CHCHD3: variants seen among roughly 807,000 people sequenced by gnomAD.
CHCHD3 encodes MICOS complex subunit MIC19.
A neutral mutation model predicts 38.2 loss-of-function variants in CHCHD3; 20 were observed. That is an observed-to-expected ratio of 0.52 (90% CI 0.37 to 0.76). The LOEUF (loss-of-function observed/expected upper bound fraction) is 0.76, where lower values mean the gene tolerates loss of function less well. CHCHD3 is among the 30% of genes least tolerant of loss of function. The pLI is 0.00. For missense variants in CHCHD3, 245 were observed against 279.2 expected (o/e 0.88, Z 0.87); for synonymous variants, 82 against 100.0 (o/e 0.82, Z 1.07).
intron 6 of CHCHD3, among the ~76,000 whole-genome samples, chr7:132,822,716 A>G (rs1807412833): frequency 6.6e-6 from 1 of 152,142 alleles, no homozygotes; most frequent in Non-Finnish European, 1.5e-5. Context: ...TTCAAACCCC[A>G]TCCATGTTAC....
chr7:132,811,222 C>G (rs1807061569), intron 6 of CHCHD3, among the ~76,000 whole-genome samples: 1 of 152,170 alleles, frequency 6.6e-6, no homozygotes. Context: ...CAATTCTTAC[C>G]TTCCCCCACC....
chr7:133,063,560 G>A (rs1451855554), intron 2 of CHCHD3, among the ~76,000 whole-genome samples: 1 of 152,040 alleles, frequency 6.6e-6, no homozygotes, highest in Non-Finnish European at 1.5e-5. Flanking sequence ...AAATGCTTAT[G>A]GGGCTGCTTC....
Position 132,848,087 on chromosome 7 carries a change from C to T in CHCHD3, c.454-9618G>A, listed in dbSNP as rs949793637. Among the ~76,000 whole-genome samples, 9 of 152,154 alleles carry T rather than the reference C, an allele frequency of 5.9e-5. No individual in the cohort carries two copies. In the East Asian group the frequency reaches 1.7e-3, roughly 29 times the overall value. On this transcript the variant is annotated intron_variant, in intron 5 of 7. Transcript: ENST00000262570. Reference sequence around the variant, plus strand: ...GGTCCTGTACCTTCAAGGTACAATACCACACTGGCTGAAGGTGAGACTGTC... The same window carrying T: ...GGTCCTGTACCTTCAAGGTACAATATCACACTGGCTGAAGGTGAGACTGTC...
chr7:132,861,290 G>A (rs1165383347), intron 5 of CHCHD3, among the ~76,000 whole-genome samples: 1 of 152,184 alleles, frequency 6.6e-6, no homozygotes, highest in East Asian at 1.9e-4. Context: ...GCTATTCTTT[G>A]GAGTGTGAGT....
At chr7:133,039,101 G>A (rs1562945629) in intron 2 of CHCHD3, among the ~76,000 whole-genome samples, 1 of 152,162 alleles carries the variant, frequency 6.6e-6, no homozygotes, top group African/African-American at 2.4e-5. Context: ...TCTAGTGAAA[G>A]CTGTTATTCA....
At chr7:132,895,336 T>C (rs1023583231) in intron 4 of CHCHD3, among the ~76,000 whole-genome samples, 1 of 152,232 alleles carries the variant, frequency 6.6e-6, no homozygotes, top group Non-Finnish European at 1.5e-5. Context: ...AGATCTTACA[T>C]ACTGTAGAAT....
At chr7:132,818,655 T>C (rs1389568898) in intron 6 of CHCHD3, among the ~76,000 whole-genome samples, 5 of 152,288 alleles carry the variant, frequency 3.3e-5, no homozygotes, top group Middle Eastern at 3.4e-3. Context: ...CTAGAAAATA[T>C]ATAAATCTGT....
intron 5 of CHCHD3, among the ~76,000 whole-genome samples, chr7:132,844,816 T>C (rs183456406): frequency 5.7e-4 from 87 of 152,296 alleles, no homozygotes; most frequent in African/African-American, 1.8e-3. Flanking sequence ...AACAATATAA[T>C]TCTCTATATT....
At chr7:132,865,188 G>A (rs992381659) in intron 5 of CHCHD3, among the ~76,000 whole-genome samples, 8 of 152,198 alleles carry the variant, frequency 5.3e-5, no homozygotes, top group Non-Finnish European at 8.8e-5. Context: ...CTAAGGATGA[G>A]GAGTGAACAT....
At chr7:132,980,196 G>A (rs1373539586) in intron 3 of CHCHD3, among the ~76,000 whole-genome samples, 3 of 152,264 alleles carry the variant, frequency 2.0e-5, no homozygotes, top group African/African-American at 7.2e-5. Flanking sequence ...GTTGTTTTGG[G>A]AACACTTCAC....
chr7:133,005,301 T>C (rs1447675515), intron 3 of CHCHD3, among the ~76,000 whole-genome samples: 4 of 152,182 alleles, frequency 2.6e-5, no homozygotes, highest in Non-Finnish European at 4.4e-5. Context: ...GGTTTAAGGG[T>C]GAAGCGCATG....
intron 5 of CHCHD3, among the ~76,000 whole-genome samples, chr7:132,862,161 G>A (rs190985161): frequency 6.6e-6 from 1 of 151,748 alleles, no homozygotes; most frequent in Non-Finnish European, 1.5e-5. Flanking sequence ...AGAAACGAAT[G>A]AAATAAGGCA....
rs1812752020 is a variant in CHCHD3 at position 133,008,130 on chromosome 7, C to T, written c.251+16416G>A. ...CAACCAATTCATGACTGGACAACACCCTTAAGATGACTATCTTCCTAAGTG... is the reference window on the plus strand; with the variant it reads ...CAACCAATTCATGACTGGACAACACTCTTAAGATGACTATCTTCCTAAGTG... On this transcript the variant is annotated intron_variant, in intron 3 of 7. Transcript: ENST00000262570. Among the ~76,000 whole-genome samples the T allele has an allele frequency of 3.3e-5, 5 of 152,048 alleles. No homozygotes were observed. In the South Asian group the frequency reaches 1.0e-3, roughly 32 times the overall value.
At chr7:133,075,603 CA>C (rs1212866981) in intron 1 of CHCHD3, among the ~76,000 whole-genome samples, 60 of 152,316 alleles carry the variant, frequency 3.9e-4, no homozygotes, top group Non-Finnish European at 5.1e-4. Flanking sequence ...CCTCTGTGAA[CA>C]GGGGTACTCA....
chr7:133,013,754 G>T (rs1812948930), intron 3 of CHCHD3, among the ~76,000 whole-genome samples: 1 of 152,042 alleles, frequency 6.6e-6, no homozygotes, highest in South Asian at 2.1e-4. Context: ...ATAATCTAGG[G>T]TAAGAATGTA....
intron 4 of CHCHD3, among the ~76,000 whole-genome samples, chr7:132,920,055 T>C (rs1810221492): frequency 6.6e-6 from 1 of 152,206 alleles, no homozygotes; most frequent in African/African-American, 2.4e-5. Context: ...CACATCGTCA[T>C]CATGCCCTTC....
intron 6 of CHCHD3, 92 bp downstream of exon 6, chr7:132,838,307 T>G (rs1807843092): frequency 2.4e-6 from 2 of 822,640 alleles, no homozygotes; most frequent in South Asian, 1.7e-5. Flanking sequence ...TAGAGTGCTA[T>G]ATAACAAACT....
chr7:132,990,076 G>C (rs1366011538), intron 3 of CHCHD3, among the ~76,000 whole-genome samples: 1 of 152,104 alleles, frequency 6.6e-6, no homozygotes, highest in African/African-American at 2.4e-5. Flanking sequence ...GAGAGGCTGA[G>C]GCAGAAGAAT....
intron 2 of CHCHD3, among the ~76,000 whole-genome samples, chr7:133,027,528 G>A (rs975203796): frequency 3.3e-5 from 5 of 152,002 alleles, no homozygotes; most frequent in Admixed American, 3.3e-4. Context: ...ACTATTTAAT[G>A]TCTAATCCCA....
Sources: allele counts gnomAD v4.1 joint callset (sites outside exome capture counted in the v4.1 genomes callset), GRCh38; gene constraint gnomAD v4.1.1; transcripts MANE v1.5; gene names NCBI Gene and HGNC (gene_info 2026-07-23, HGNC 2026-07-21).